TCP10L: variants seen among roughly 807,000 people sequenced by gnomAD.
The protein encoded by TCP10L is t-complex 10 like.
In TCP10L, 11 loss-of-function variants were observed where a neutral mutation model predicts 19.2. The ratio of observed to expected loss-of-function variants is 0.57; its 90% confidence interval spans 0.36 to 0.95. The LOEUF is 0.95. Ranked by LOEUF, TCP10L falls within the 40% of genes least tolerant of loss-of-function variation. TCP10L has a pLI of 0.01. For missense variants in TCP10L, 247 were observed against 263.9 expected (o/e 0.94, Z 0.44); for synonymous variants, 96 against 97.2 (o/e 0.99, Z 0.07).
At position 32,576,191 on chromosome 21, in the gene TCP10L, G is replaced by C; in HGVS notation, c.*583C>G. The C allele has an allele frequency of 7.5e-7, 1 of 1,324,600 alleles. No individual in the cohort carries two copies. Among genetic ancestry groups the C allele is most frequent in the South Asian group, 1.3e-5 (1 of 77,570 alleles). 82.1% of individuals were successfully genotyped at this position (1,324,600 alleles called of 1,614,324 possible). Reference sequence around the variant, plus strand: ...GCATTTCACGGGGAGCATAGAAACAGGAGTCCCCAACTCTGCTCACCAGCT... The same window carrying C: ...GCATTTCACGGGGAGCATAGAAACACGAGTCCCCAACTCTGCTCACCAGCT... On this transcript the variant is annotated 3_prime_UTR_variant, in exon 5 of 5. Coordinates refer to ENST00000300258, the MANE Select transcript of TCP10L (RefSeq NM_144659.7).
In TCP10L at chr21:32,584,656, C is replaced by T. The variant is rs575273527; in HGVS notation, c.-1-351G>A. ...GAGTGGGTTGTGAGCAGGATATGAG[C>T]GGAATGTGAATGGATGTGAGCGGAT... is the stretch of plus-strand genomic sequence containing the variant. On this transcript the variant is annotated intron_variant, in intron 1 of 4. Transcript: ENST00000300258. Among the ~76,000 whole-genome samples the T allele has an allele frequency of 2.0e-5, 3 of 151,976 alleles. No homozygotes were observed. In the East Asian group the frequency reaches 5.8e-4, roughly 29 times the overall value.
chr21:32,577,828 G>A (rs2146524125), intron 4 of TCP10L, among the ~76,000 whole-genome samples: 1 of 152,314 alleles, frequency 6.6e-6, no homozygotes, highest in South Asian at 2.1e-4. Flanking sequence ...CTTCAGAGCT[G>A]AGAGCCGTGA....
Position 32,582,719 on chromosome 21 carries a change from A to C in TCP10L, c.145-304T>G, listed in dbSNP as rs561564827. ...GCGATCCTCCTGTCTCGACCTCCCA[A>C]ATAGCTGGGACTACAGGCATGTGCC... On this transcript the variant is annotated intron_variant, in intron 2 of 4. Coordinates refer to ENST00000300258, the MANE Select transcript of TCP10L (RefSeq NM_144659.7). The surrounding 1 kb of genome is among the most constrained non-coding windows in gnomAD (Gnocchi z 4.2). Among the ~76,000 whole-genome samples, 50 of 151,916 alleles carry C rather than the reference A, an allele frequency of 3.3e-4. No homozygotes were observed. Among genetic ancestry groups the C allele is most frequent in the Non-Finnish European group, 4.0e-4 (27 of 67,968 alleles).
intron 3 of TCP10L, among the ~76,000 whole-genome samples, chr21:32,580,753 A>G (rs1016150046): frequency 3.9e-5 from 6 of 152,220 alleles, no homozygotes; most frequent in African/African-American, 1.4e-4. Flanking sequence ...CAAGGCAGTG[A>G]TAACACTGGC....
Position 32,582,110 on chromosome 21 carries a change from G to A in TCP10L, c.360+90C>T, listed in dbSNP as rs572604140. ...CACCACCCGGAGCGTGAGTGATACC[G>A]CGTCATTCAGCAATAAAGCCCACAT... is the stretch of plus-strand genomic sequence containing the variant. On this transcript the variant is annotated intron_variant, in intron 3 of 4. Coordinates refer to ENST00000300258, the MANE Select transcript of TCP10L (RefSeq NM_144659.7). This position sits in a 1 kb window ranked among gnomAD's most constrained non-coding sequence, Gnocchi z 4.2. 1.5e-4 allele frequency: 214 copies of A among 1,431,738 alleles called. No individual in the cohort carries two copies. The South Asian group carries it at 2.6e-3, about 17-fold the overall frequency. The allele number at this position is 1,431,738 out of a possible 1,614,324, so 88.7% of individuals were successfully genotyped here.
chr21:32,581,615 G>A (rs2038495480), intron 3 of TCP10L, among the ~76,000 whole-genome samples: 1 of 152,122 alleles, frequency 6.6e-6, no homozygotes, highest in East Asian at 1.9e-4. Context: ...GAGCAGTGGG[G>A]AACCAAAGAA....
In TCP10L at chr21:32,578,748, C is replaced by T. The variant is rs762916804; in HGVS notation, c.444G>A (p.Gln148=). 8 of 1,614,074 alleles carry T rather than the reference C, an allele frequency of 5.0e-6. No homozygotes were observed. The East Asian group carries it at 1.8e-4, about 36-fold the overall frequency. The change falls in exon 4 of 5, where the codon CAG becomes CAA. Residue 148 remains glutamine, a synonymous_variant. Transcript: ENST00000300258. This position sits in a 1 kb window ranked among gnomAD's most constrained non-coding sequence, Gnocchi z 4.2. The part of the protein sequence containing the change: ...TIPKYAGHKN[Q]SATLLGQRSS... ...ATCTTTGTCCCAGGAGAGTGGCACT[C>T]TGATTCTTGTGGCCAGCGTATTTGG... is the stretch of plus-strand genomic sequence containing the variant.
intron 3 of TCP10L, among the ~76,000 whole-genome samples, chr21:32,580,274 GT>G (rs370776122): frequency 0.079 from 11,949 of 151,900 alleles, 555 homozygotes; most frequent in Non-Finnish European, 0.1. Flanking sequence ...CCTGGCTAAT[GT>G]TTTTGTATTT....
chr21:32,583,250 G>A (rs538313135), intron 2 of TCP10L, among the ~76,000 whole-genome samples: 4 of 151,872 alleles, frequency 2.6e-5, no homozygotes, highest in African/African-American at 9.7e-5. Flanking sequence ...GGCCAGACTG[G>A]TCTCAAAGGC....
intron 3 of TCP10L, among the ~76,000 whole-genome samples, chr21:32,579,874 A>G (rs2038472680): frequency 6.6e-6 from 1 of 152,026 alleles, no homozygotes; most frequent in Admixed American, 6.5e-5. Flanking sequence ...TATTTGTGGC[A>G]ATTTCCCCCA....
intron 3 of TCP10L, among the ~76,000 whole-genome samples, chr21:32,579,861 C>G (rs2038472586): frequency 6.6e-6 from 1 of 152,114 alleles, no homozygotes; most frequent in East Asian, 1.9e-4. Flanking sequence ...CAATCCCGGC[C>G]AGTATTTGTG....
intron 2 of TCP10L, 126 bp downstream of exon 2, chr21:32,584,035 T>A: frequency 7.8e-7 from 1 of 1,281,202 alleles, no homozygotes. Flanking sequence ...AAGTACAGAA[T>A]CAGTGTCCCG....
rs995548459 is a variant in TCP10L at position 32,576,516 on chromosome 21, A to G, written c.*258T>C. On this transcript the variant is annotated 3_prime_UTR_variant, in exon 5 of 5. Transcript: ENST00000300258. ...ATTTTTTTAAAGACTCTGCAGAAAT[A>G]TACCAACTACAGAGCTCAGGAAAGC... 6.6e-5 allele frequency: 40 copies of G among 609,576 alleles called. No homozygotes were observed. Among genetic ancestry groups the G allele is most frequent in the Middle Eastern group, 4.4e-4 (1 of 2,268 alleles). 37.8% of individuals were successfully genotyped at this position (609,576 alleles called of 1,614,324 possible).
At chr21:32,581,254 C>T (rs1213254378) in intron 3 of TCP10L, among the ~76,000 whole-genome samples, 1 of 152,188 alleles carries the variant, frequency 6.6e-6, no homozygotes, top group Admixed American at 6.5e-5. Flanking sequence ...GCCCAACTCC[C>T]AAGGGGAAAA....
At position 32,578,441 on chromosome 21, in the gene TCP10L, G is replaced by C. The variant is rs1039120931; in HGVS notation, c.498+253C>G. On this transcript the variant is annotated intron_variant, in intron 4 of 4. Transcript: ENST00000300258. The surrounding 1 kb of genome is among the most constrained non-coding windows in gnomAD (Gnocchi z 4.2). ...CCCCAAGTCCCCTCGGCCCCAGCCA[G>C]ACGCTTGCTGCTGTGAGTGTACTCA... Among the ~76,000 whole-genome samples, 1 of 152,260 alleles carries C rather than the reference G, an allele frequency of 6.6e-6. No individual in the cohort carries two copies. The highest frequency in any genetic ancestry group is 2.4e-5 in the African/African-American group (1 of 41,468).
rs1272852154 is a variant in TCP10L, at chr21:32,576,123, C to CA, written c.*650dup. 1.1e-5 allele frequency: 8 copies of CA among 755,650 alleles called. No individual in the cohort carries two copies. Among genetic ancestry groups the CA allele is most frequent in the Non-Finnish European group, 1.6e-5 (8 of 493,686 alleles). The allele number at this position is 755,650 out of a possible 1,614,324, so 46.8% of individuals were successfully genotyped here. On this transcript the variant is annotated 3_prime_UTR_variant, in exon 5 of 5. Transcript: ENST00000300258. ...AGCTCCAGGAAGGACATGTCCTTGC[C>CA]ATAGTAAGATGTTCTGCTCACGCGT...
rs138943358 is a variant in TCP10L, at chr21:32,582,233, C to T, written c.327G>A (p.Ala109=). ...GCGATTCTTGCCCCGCGTGTGGGGACGCTGCAGATTTCTTCCTGGCTTTCC... is the reference window on the plus strand; with the variant it reads ...GCGATTCTTGCCCCGCGTGTGGGGATGCTGCAGATTTCTTCCTGGCTTTCC... ...QRWKARKKSA[A]SPHAGQESHT... is the part of the protein sequence containing the mutation. The change falls in exon 3 of 5, where the codon GCG becomes GCA. Residue 109 remains alanine, a synonymous_variant. Coordinates refer to ENST00000300258, the MANE Select transcript of TCP10L (RefSeq NM_144659.7). This position sits in a 1 kb window ranked among gnomAD's most constrained non-coding sequence, Gnocchi z 4.2. 3.4e-5 allele frequency: 55 copies of T among 1,614,168 alleles called. No homozygotes were observed. The highest frequency in any genetic ancestry group is 4.4e-5 in the Non-Finnish European group (52 of 1,180,034).
rs770842779 is a variant in TCP10L, at chr21:32,576,075, C to CA, written c.*698dup. The CA allele has an allele frequency of 1.6e-4, 83 of 521,838 alleles. No individual in the cohort carries two copies. The highest frequency in any genetic ancestry group is 6.9e-4 in the African/African-American group (36 of 51,870). 32.3% of individuals were successfully genotyped at this position (521,838 alleles called of 1,614,324 possible). On this transcript the variant is annotated 3_prime_UTR_variant, in exon 5 of 5. Transcript: ENST00000300258. Reference sequence around the variant, plus strand: ...GTGAGGACCCAACGAGGGAATCAGACAAAAAGTGGCCACAAATTAGGCAGC... The same window carrying CA: ...GTGAGGACCCAACGAGGGAATCAGACAAAAAAGTGGCCACAAATTAGGCAGC...
Position 32,573,766 on chromosome 21 carries a change from A to G in TCP10L, c.*3008T>C, listed in dbSNP as rs1434037872. On this transcript the variant is annotated 3_prime_UTR_variant, in exon 5 of 5. Coordinates refer to ENST00000300258, the MANE Select transcript of TCP10L (RefSeq NM_144659.7). ...TTATTAAAGTGGTTATCTCCCACTT[A>G]TATGTTTGCTCTGGGGTCAGGGTGG... Among the ~76,000 whole-genome samples the G allele has an allele frequency of 6.6e-6, 1 of 152,166 alleles. No homozygotes were observed. The highest frequency in any genetic ancestry group is 2.4e-5 in the African/African-American group (1 of 41,446).
Sources: gnomAD v4.1 joint callset for allele counts (sites outside exome capture counted in the v4.1 genomes callset) on GRCh38, gnomAD v4.1.1 for gene constraint, Gnocchi (gnomAD v3.1) non-coding constraint, MANE v1.5 for transcripts, NCBI Gene and HGNC (gene_info 2026-07-23, HGNC 2026-07-21) for gene names.